Variants in NOSIP observed in about 807,000 individuals in gnomAD.
NOSIP encodes the protein nitric oxide synthase interacting protein.
NOSIP carries 25 observed loss-of-function variants against 36.4 expected under a neutral mutation model. The observed-to-expected ratio is 0.69, with a 90% CI of 0.50 to 0.96. NOSIP has a LOEUF of 0.96. NOSIP is among the 40% of genes least tolerant of loss of function. The pLI is 0.00. For missense variants in NOSIP, 370 were observed against 429.0 expected (o/e 0.86, Z 1.21); for synonymous variants, 187 against 179.2 (o/e 1.04, Z -0.35).
chr19:49,579,408 T>G (rs2080595858), intron 1 of NOSIP: 1 of 152,172 alleles, frequency 6.6e-6, no homozygotes, highest in South Asian at 2.1e-4. Flanking sequence ...AAGCCAAAAC[T>G]AAGTTGATAT....
chr19:49,576,415 A>G (rs2080553626), intron 1 of NOSIP, among the ~76,000 whole-genome samples: 2 of 150,272 alleles, frequency 1.3e-5, no homozygotes, highest in Admixed American at 1.3e-4. Flanking sequence ...TCCACAAAAC[A>G]AAATTTAAAA....
chr19:49,558,024 G>A (rs993982993), intron 4 of NOSIP: 10 of 720,412 alleles, frequency 1.4e-5, no homozygotes, highest in Non-Finnish European at 1.7e-5. Flanking sequence ...GGGAAGAGGG[G>A]GACAGACCCA....
At chr19:49,576,659 C>T (rs1050067871) in intron 1 of NOSIP, among the ~76,000 whole-genome samples, 4 of 150,668 alleles carry the variant, frequency 2.7e-5, no homozygotes, top group South Asian at 4.2e-4. Flanking sequence ...CCGAGGTGGG[C>T]GGATCACCTG....
intron 4 of NOSIP, chr19:49,557,946 C>G (rs1436723682): frequency 7.1e-6 from 7 of 986,776 alleles, no homozygotes; most frequent in Non-Finnish European, 7.2e-6. Context: ...GGGGAGCCAC[C>G]TGCTTGGGAC....
At chr19:49,576,973 AGG>A (rs2080562408) in intron 1 of NOSIP, among the ~76,000 whole-genome samples, 1 of 152,098 alleles carries the variant, frequency 6.6e-6, no homozygotes, top group African/African-American at 2.4e-5. Flanking sequence ...CAATAATGAA[AGG>A]ACACCTAACA....
At chr19:49,574,660 C>A (rs2080527602) in intron 1 of NOSIP, among the ~76,000 whole-genome samples, 1 of 152,102 alleles carries the variant, frequency 6.6e-6, no homozygotes, top group African/African-American at 2.4e-5. Flanking sequence ...TCTGGTGACA[C>A]CCTCTTCCTG....
rs2080257272 is a variant in NOSIP at position 49,556,873 on chromosome 19, A to G, written c.537+2T>C. The G allele has an allele frequency of 6.2e-6, 10 of 1,611,392 alleles. No individual in the cohort carries two copies. The Admixed American group carries it at 1.7e-4, about 27-fold the overall frequency. ...GCGTGCCGGGGCGCTGTGGGGGCTC[A>G]CCGGCTTCTCCAGCTTGGTGGCCTT... On this transcript the variant is annotated splice_donor_variant, in intron 6 of 8. Coordinates refer to ENST00000596358, the MANE Select transcript of NOSIP (RefSeq NM_001270960.2). LOFTEE classifies it high-confidence loss of function.
intron 1 of NOSIP, among the ~76,000 whole-genome samples, chr19:49,567,272 G>A (rs186461575): frequency 6.7e-4 from 102 of 151,580 alleles, no homozygotes; most frequent in African/African-American, 2.3e-3. Context: ...ACAGGCACCC[G>A]CCACCACACC....
intron 1 of NOSIP, among the ~76,000 whole-genome samples, chr19:49,575,625 A>G (rs892556248): frequency 5.9e-5 from 9 of 152,180 alleles, no homozygotes; most frequent in African/African-American, 1.9e-4. Flanking sequence ...AATAACAAAA[A>G]AGGGCCAGAG....
At chr19:49,576,400 C>T (rs959483401) in intron 1 of NOSIP, among the ~76,000 whole-genome samples, 1 of 151,580 alleles carries the variant, frequency 6.6e-6, no homozygotes, top group Non-Finnish European at 1.5e-5. Flanking sequence ...TAGCAAGACT[C>T]CATCTCCACA....
At position 49,557,449 on chromosome 19, in the gene NOSIP, C is replaced by T. The variant is rs113646831; in HGVS notation, c.259-200G>A. Reference sequence around the variant, plus strand: ...CAGACTGCCAGGGCTCAAAGCCCATCTCTGTCACTCTGTGGCCTAAGTGAG... The same window carrying T: ...CAGACTGCCAGGGCTCAAAGCCCATTTCTGTCACTCTGTGGCCTAAGTGAG... On this transcript the variant is annotated intron_variant, in intron 4 of 8. Transcript: ENST00000596358. The T allele has an allele frequency of 3.7e-4, 520 of 1,415,930 alleles. 1 individual carries two copies. The African/African-American group carries it at 6.7e-3, about 18-fold the overall frequency. 87.7% of individuals were successfully genotyped at this position (1,415,930 alleles called of 1,614,324 possible).
At position 49,560,730 on chromosome 19, in the gene NOSIP, G is replaced by A. The variant is rs748769108; in HGVS notation, c.-1-38C>T. The A allele has an allele frequency of 1.5e-5, 22 of 1,501,036 alleles. No homozygotes were observed. Among genetic ancestry groups the A allele is most frequent in the Admixed American group, 1.1e-4 (6 of 52,260 alleles). The allele number at this position is 1,501,036 out of a possible 1,614,324, so 93.0% of individuals were successfully genotyped here. A position where few individuals can be genotyped will look rare whatever the true frequency, so the allele number is the denominator to read the frequency against. On this transcript the variant is annotated intron_variant, in intron 1 of 8. Transcript: ENST00000596358. The surrounding 1 kb of genome is among the most constrained non-coding windows in gnomAD (Gnocchi z 4.6). ...GGACAGTGGCAGGACTGTGGTTACC[G>A]GAGGCAGGCAGCACAGGGAAGACCT... is the stretch of plus-strand genomic sequence containing the variant.
chr19:49,579,239 A>G (rs778081799), intron 1 of NOSIP: 8 of 152,184 alleles, frequency 5.3e-5, no homozygotes, highest in Non-Finnish European at 1.2e-4. Context: ...TTAAAGTGTG[A>G]TGATGGTATT....
Position 49,570,694 on chromosome 19 carries a change from C to T in NOSIP, c.-2+9821G>A, listed in dbSNP as rs897534592. ...GACCCCCAAGCTTCTCAGTGAACGT[C>T]CAACACCTGTTGCCTCCCCTCACCT... On this transcript the variant is annotated intron_variant, in intron 1 of 8. Transcript: ENST00000596358. 6.6e-5 allele frequency among the ~76,000 whole-genome samples: 10 copies of T among 152,136 alleles called. No individual in the cohort carries two copies. The South Asian group carries it at 2.1e-3, about 32-fold the overall frequency.
intron 1 of NOSIP, among the ~76,000 whole-genome samples, chr19:49,562,388 T>G (rs1299136292): frequency 2.0e-5 from 3 of 151,670 alleles, no homozygotes; most frequent in African/African-American, 7.3e-5. Context: ...CCTCCCAAAG[T>G]GCTGGGATTA....
At position 49,560,264 on chromosome 19, in the gene NOSIP, T is replaced by G. The variant is rs1336385970; in HGVS notation, c.71-225A>C. ...GAGGCAGACAGGCCTGGTCACTGAG[T>G]GGCAGCTTGGTGGAGGGGCTGACGG... On this transcript the variant is annotated intron_variant, in intron 2 of 8. Coordinates refer to ENST00000596358, the MANE Select transcript of NOSIP (RefSeq NM_001270960.2). The surrounding 1 kb of genome is among the most constrained non-coding windows in gnomAD (Gnocchi z 4.6). 2 of 579,974 alleles carry G rather than the reference T, an allele frequency of 3.4e-6. No homozygotes were observed. The highest frequency in any genetic ancestry group is 5.8e-5 in the East Asian group (2 of 34,574). The allele number at this position is 579,974 out of a possible 1,614,324, so 35.9% of individuals were successfully genotyped here. A position where few individuals can be genotyped will look rare whatever the true frequency, so the allele number is the denominator to read the frequency against.
chr19:49,556,854 C>T (rs1490311697), intron 6 of NOSIP, 21 bp downstream of exon 6: 4 of 1,607,754 alleles, frequency 2.5e-6, no homozygotes, highest in Non-Finnish European at 3.4e-6. Context: ...CCGTGCGTGC[C>T]GGGGCGCTGT....
At chr19:49,577,547 GA>G (rs963323693) in intron 1 of NOSIP, among the ~76,000 whole-genome samples, 2 of 144,838 alleles carry the variant, frequency 1.4e-5, no homozygotes, top group South Asian at 2.2e-4. Context: ...CTCAAAAAAA[GA>G]AAAAAAAAGA....
At position 49,567,848 on chromosome 19, in the gene NOSIP, A is replaced by AT. The variant is rs879409209; in HGVS notation, c.-1-7157dup. ...CACCAGGCCCGGCTAATTTTTTTGCATTTTTTTTTTAGTAGAGACAGGGTT... is the reference window on the plus strand; with the variant it reads ...CACCAGGCCCGGCTAATTTTTTTGCATTTTTTTTTTTAGTAGAGACAGGGTT... On this transcript the variant is annotated intron_variant, in intron 1 of 8. Coordinates refer to ENST00000596358, the MANE Select transcript of NOSIP (RefSeq NM_001270960.2). 5.8e-3 allele frequency among the ~76,000 whole-genome samples: 847 copies of AT among 145,936 alleles called. 18 individuals carry two copies. The highest frequency in any genetic ancestry group is 3.2e-3 in the Non-Finnish European group (213 of 66,114).
Sources: gnomAD v4.1 joint callset for allele counts (sites outside exome capture counted in the v4.1 genomes callset) on GRCh38, gnomAD v4.1.1 for gene constraint, Gnocchi (gnomAD v3.1) non-coding constraint, MANE v1.5 for transcripts, NCBI Gene and HGNC (gene_info 2026-07-23, HGNC 2026-07-21) for gene names.